GRXCR1: variants seen among roughly 807,000 people sequenced by gnomAD.
GRXCR1 encodes glutaredoxin and cysteine rich domain containing 1.
Under a neutral mutation model 27.3 loss-of-function variants are expected in GRXCR1, and 27 were observed. The ratio of observed to expected loss-of-function variants is 0.99; its 90% CI spans 0.73 to 1.37. GRXCR1 has a LOEUF of 1.37. Ranked by LOEUF, GRXCR1 falls within the 40% of genes most tolerant of loss-of-function variation. The pLI is 0.00. For missense variants in GRXCR1, 379 were observed against 354.4 expected, an observed-to-expected ratio of 1.07 and a Z score of -0.56; for synonymous variants, 122 against 131.1, an observed-to-expected ratio of 0.93 and a Z score of 0.47.
At position 42,945,903 on chromosome 4, in the gene GRXCR1, G is replaced by T. The variant is rs576741263; in HGVS notation, c.385-16989G>T. On this transcript the variant is annotated intron_variant, in intron 1 of 3. Transcript: ENST00000399770. ...TTTAAAATAATTAACTTAAACTACC[G>T]CATTATTTCCTTTTAATTGTAAACA... is the stretch of plus-strand genomic sequence containing the variant. 1.5e-4 allele frequency among the ~76,000 whole-genome samples: 23 copies of T among 152,156 alleles called. 1 individual carries two copies. Among genetic ancestry groups the T allele is most frequent in the African/African-American group, 5.3e-4 (22 of 41,496 alleles).
At chr4:42,997,609 T>C (rs1712215776) in intron 2 of GRXCR1, among the ~76,000 whole-genome samples, 1 of 152,034 alleles carries the variant, frequency 6.6e-6, no homozygotes, top group South Asian at 2.1e-4. Context: ...AAGGAGCTCC[T>C]CCCCACAGTC....
intron 2 of GRXCR1, among the ~76,000 whole-genome samples, chr4:42,996,181 G>A (rs866697655): frequency 1.7e-4 from 26 of 152,300 alleles, no homozygotes; most frequent in African/African-American, 5.8e-4. Context: ...TATTATGGAA[G>A]TGAAGTGGAG....
At chr4:42,977,203 T>G (rs896758734) in intron 2 of GRXCR1, among the ~76,000 whole-genome samples, 3 of 152,066 alleles carry the variant, frequency 2.0e-5, no homozygotes, top group Non-Finnish European at 4.4e-5. Context: ...TCACATTTTT[T>G]TATCCATTTA....
chr4:42,924,964 A>G (rs1382215942), intron 1 of GRXCR1, among the ~76,000 whole-genome samples: 1 of 151,908 alleles, frequency 6.6e-6, no homozygotes, highest in South Asian at 2.1e-4. Context: ...AACAATATGC[A>G]TTTGTTAGCA....
intron 1 of GRXCR1, among the ~76,000 whole-genome samples, chr4:42,946,173 C>A (rs899491786): frequency 3.9e-5 from 6 of 152,114 alleles, no homozygotes; most frequent in Non-Finnish European, 7.4e-5. Context: ...GCCACAGCAA[C>A]AACCTGAATT....
intron 1 of GRXCR1, among the ~76,000 whole-genome samples, chr4:42,935,595 C>T (rs998404552): frequency 5.9e-5 from 9 of 151,772 alleles, no homozygotes; most frequent in Admixed American, 5.3e-4. Context: ...AAATTAAGAT[C>T]CAGATATACA....
rs564109523 is a variant in GRXCR1, at chr4:42,894,627, A to G, written c.384+977A>G. On this transcript the variant is annotated intron_variant, in intron 1 of 3. Coordinates refer to ENST00000399770, the MANE Select transcript of GRXCR1 (RefSeq NM_001080476.3). ...AAATATTTTTTATTTCAAAGAAAGT[A>G]TTTGAAAATATCAGGAGGATTTAAA... is the stretch of plus-strand genomic sequence containing the variant. Among the ~76,000 whole-genome samples the G allele has an allele frequency of 1.2e-4, 19 of 152,278 alleles. No individual in the cohort carries two copies. In the South Asian group the frequency reaches 3.7e-3, roughly 30 times the overall value.
chr4:42,942,540 T>C (rs2109763631), intron 1 of GRXCR1, among the ~76,000 whole-genome samples: 1 of 152,206 alleles, frequency 6.6e-6, no homozygotes, highest in South Asian at 2.1e-4. Flanking sequence ...AAATAAAATA[T>C]GCAGTTTGAA....
intron 1 of GRXCR1, among the ~76,000 whole-genome samples, chr4:42,956,322 C>T (rs1020710167): frequency 2.0e-5 from 3 of 152,052 alleles, no homozygotes; most frequent in Non-Finnish European, 2.9e-5. Context: ...ATCCTTCATA[C>T]GCTATTCCCA....
chr4:42,973,304 T>G (rs1748430944), intron 2 of GRXCR1, among the ~76,000 whole-genome samples: 1 of 152,140 alleles, frequency 6.6e-6, no homozygotes, highest in Non-Finnish European at 1.5e-5. Context: ...GGCCCATTAC[T>G]TCATTTTCCT....
At chr4:42,993,448 A>T (rs557705733) in intron 2 of GRXCR1, among the ~76,000 whole-genome samples, 1 of 152,164 alleles carries the variant, frequency 6.6e-6, no homozygotes, top group South Asian at 2.1e-4. Context: ...TTGACTTGGA[A>T]TGGGGTTATG....
chr4:42,916,332 G>A lies in GRXCR1; in HGVS notation c.384+22682G>A, dbSNP rs1165270716. 2.6e-5 allele frequency among the ~76,000 whole-genome samples: 4 copies of A among 152,054 alleles called. No individual in the cohort carries two copies. The East Asian group carries it at 7.8e-4, about 29-fold the overall frequency. On this transcript the variant is annotated intron_variant, in intron 1 of 3. Transcript: ENST00000399770. The stretch of plus-strand genomic sequence containing the variant: ...TTAAAGGGAAGTTTTCAGGCACAAA[G>A]AGGACCACCTAAGAAAACAGTAAGT...
intron 2 of GRXCR1, among the ~76,000 whole-genome samples, chr4:42,974,057 G>T (rs1422715517): frequency 6.6e-6 from 1 of 152,158 alleles, no homozygotes; most frequent in African/African-American, 2.4e-5. Context: ...CACAGAAACA[G>T]ACCAATTGCA....
chr4:42,991,418 T>G (rs901643293), intron 2 of GRXCR1, among the ~76,000 whole-genome samples: 3 of 151,622 alleles, frequency 2.0e-5, no homozygotes, highest in Non-Finnish European at 2.9e-5. Flanking sequence ...TTTTATTTTT[T>G]ATTATACATA....
At chr4:43,009,192 A>G (rs2217915) in intron 2 of GRXCR1, among the ~76,000 whole-genome samples, 37,718 of 152,108 alleles carry the variant, frequency 0.25, 4,846 homozygotes, top group East Asian at 0.37. Context: ...ATGGATAATT[A>G]ACTCCTTGAT....
intron 2 of GRXCR1, among the ~76,000 whole-genome samples, chr4:42,979,287 T>A (rs1748595720): frequency 6.6e-6 from 1 of 152,080 alleles, no homozygotes. Flanking sequence ...AGCCTTCATC[T>A]TTTCCTCATT....
intron 1 of GRXCR1, among the ~76,000 whole-genome samples, chr4:42,914,105 T>C (rs1746830268): frequency 6.6e-6 from 1 of 152,192 alleles, no homozygotes; most frequent in African/African-American, 2.4e-5. Flanking sequence ...AAGGGAAATG[T>C]GGGGTGGGAG....
At chr4:42,897,049 T>C (rs1746361036) in intron 1 of GRXCR1, among the ~76,000 whole-genome samples, 1 of 152,148 alleles carries the variant, frequency 6.6e-6, no homozygotes, top group African/African-American at 2.4e-5. Flanking sequence ...AGTTTATTCC[T>C]CATTACTGGA....
intron 1 of GRXCR1, among the ~76,000 whole-genome samples, chr4:42,956,284 G>A (rs1182730177): frequency 6.6e-6 from 1 of 152,024 alleles, no homozygotes; most frequent in African/African-American, 2.4e-5. Context: ...GACCCCAAAG[G>A]CTTCTCAGTG....
Sources: gnomAD v4.1 joint callset for allele counts (sites outside exome capture counted in the v4.1 genomes callset) on GRCh38, gnomAD v4.1.1 for gene constraint, MANE v1.5 for transcripts, NCBI Gene and HGNC (gene_info 2026-07-23, HGNC 2026-07-21) for gene names.